ADGRF5: variants seen among roughly 807,000 people sequenced by gnomAD.
The protein encoded by ADGRF5 is adhesion G protein-coupled receptor F5.
A neutral mutation model predicts 132.3 loss-of-function variants in ADGRF5; 75 were observed. The ratio of observed to expected loss-of-function variants is 0.57; its 90% CI spans 0.47 to 0.69. ADGRF5 has a LOEUF of 0.69. ADGRF5 is among the 30% of genes least tolerant of loss of function. ADGRF5 has a pLI of 0.00. For missense variants in ADGRF5, 1,516 were observed against 1,630.6 expected, an observed-to-expected ratio of 0.93 and a Z score of 1.21; for synonymous variants, 629 against 597.6, an observed-to-expected ratio of 1.05 and a Z score of -0.77.
At chr6:46,946,538 C>T (rs1023427729) in intron 1 of ADGRF5, among the ~76,000 whole-genome samples, 6 of 152,080 alleles carry the variant, frequency 3.9e-5, no homozygotes, top group Non-Finnish European at 5.9e-5. Flanking sequence ...AGCTTCTGCT[C>T]CTATTGTTTT....
chr6:46,884,239 A>G lies in ADGRF5; in HGVS notation c.361T>C (p.Ser121Pro). Residue 121 changes from serine (S) to proline (P), a missense_variant, in exon 5 of 21, where the codon TCC (serine) becomes CCC (proline). By Grantham distance (74) the Ser-to-Pro change is moderately conservative. This residue lies in a region of ADGRF5 where 945 missense variants were observed against 929.4 expected (regional missense o/e 1.02). Coordinates refer to ENST00000283296, the MANE Select transcript of ADGRF5 (RefSeq NM_001098518.2). ...GGCCACCCATAACCTGTCTCGCAGG[A>G]GCACCAGATTTCATTTCCAGCAGGT... Reference protein sequence around the residue: ...CRPAGNEIWCSCETGYGWPRE... With the variant: ...CRPAGNEIWCPCETGYGWPRE... 2 of 1,613,984 alleles carry G rather than the reference A, an allele frequency of 1.2e-6. No homozygotes were observed. Among genetic ancestry groups the G allele is most frequent in the Non-Finnish European group, 1.7e-6 (2 of 1,179,828 alleles).
At chr6:46,930,791 G>A (rs571820411) in intron 1 of ADGRF5, among the ~76,000 whole-genome samples, 2 of 152,248 alleles carry the variant, frequency 1.3e-5, no homozygotes, top group Admixed American at 6.5e-5. Context: ...GGCAGCTCAC[G>A]CCTGTAATCC....
At chr6:46,905,556 A>G (rs1438356620) in intron 2 of ADGRF5, 1 of 152,210 alleles carries the variant, frequency 6.6e-6, no homozygotes, top group African/African-American at 2.4e-5. Context: ...CATTGTTTAC[A>G]AGAGAATCAT....
chr6:46,897,213 G>C (rs957037019), intron 3 of ADGRF5, among the ~76,000 whole-genome samples: 2 of 151,034 alleles, frequency 1.3e-5, no homozygotes, highest in Non-Finnish European at 2.9e-5. Context: ...TTATGTAACT[G>C]ACCAGTCACA....
At chr6:46,876,916 T>A (rs1016040261) in intron 10 of ADGRF5, among the ~76,000 whole-genome samples, 5 of 152,210 alleles carry the variant, frequency 3.3e-5, no homozygotes, top group Admixed American at 1.3e-4. Context: ...GATAATTTTT[T>A]AAAAATAATT....
intron 1 of ADGRF5, among the ~76,000 whole-genome samples, chr6:46,953,649 G>A (rs1200296371): frequency 9.8e-5 from 9 of 91,484 alleles, no homozygotes; most frequent in South Asian, 7.3e-4. Flanking sequence ...ATAGATATAT[G>A]TGTATATATA....
intron 1 of ADGRF5, among the ~76,000 whole-genome samples, chr6:46,918,494 CT>C (rs894403045): frequency 6.6e-6 from 1 of 152,188 alleles, no homozygotes; most frequent in Non-Finnish European, 1.5e-5. Flanking sequence ...ATCAGTATTT[CT>C]TTTTTTCCCC....
At chr6:46,933,379 T>C (rs1355394444) in intron 1 of ADGRF5, among the ~76,000 whole-genome samples, 1 of 152,218 alleles carries the variant, frequency 6.6e-6, no homozygotes, top group Non-Finnish European at 1.5e-5. Context: ...AAGCACTAGC[T>C]GTTCACTTCA....
upstream of ADGRF5, among the ~76,000 whole-genome samples, chr6:46,923,851 G>T (rs1423096870): frequency 6.6e-6 from 1 of 152,192 alleles, no homozygotes; most frequent in African/African-American, 2.4e-5. Flanking sequence ...GAGAGACCCT[G>T]CCCTGTCGTA....
intron 1 of ADGRF5, among the ~76,000 whole-genome samples, chr6:46,943,163 CA>C (rs1324191835): frequency 2.0e-5 from 3 of 148,372 alleles, no homozygotes; most frequent in African/African-American, 7.5e-5. Context: ...AAAAAAAAAA[CA>C]AGCATAATTG....
chr6:46,867,169 T>G (rs1770548563), intron 12 of ADGRF5, 32 bp from the exon 13 acceptor site: 1 of 1,223,302 alleles, frequency 8.2e-7, no homozygotes, highest in Non-Finnish European at 1.2e-6. Flanking sequence ...TGAGATGGAA[T>G]GGAAATAATC....
At chr6:46,857,291 T>C (rs1769166882) in intron 17 of ADGRF5, among the ~76,000 whole-genome samples, 5 of 152,220 alleles carry the variant, frequency 3.3e-5, no homozygotes, top group Admixed American at 2.6e-4. Flanking sequence ...ACATATGAAC[T>C]ACATAGCTTG....
chr6:46,881,930 A>T, intron 7 of ADGRF5, 119 bp downstream of exon 7: 1 of 818,068 alleles, frequency 1.2e-6, no homozygotes, highest in Non-Finnish European at 2.2e-6. Flanking sequence ...TTTCACCTCT[A>T]CCAAACTGCT....
At chr6:46,928,216 G>T (rs1308113093) in intron 1 of ADGRF5, among the ~76,000 whole-genome samples, 1 of 152,104 alleles carries the variant, frequency 6.6e-6, no homozygotes, top group Non-Finnish European at 1.5e-5. Flanking sequence ...CCACCTCAGG[G>T]TGCCTGGGAA....
intron 14 of ADGRF5, 176 bp from the exon 15 acceptor site, chr6:46,863,272 T>A (rs1581743978): frequency 1.4e-6 from 1 of 692,422 alleles, no homozygotes; most frequent in South Asian, 1.5e-5. Flanking sequence ...AAAGCCCCTC[T>A]CTGCTTTCCA....
At chr6:46,874,750 C>T (rs930622877) in intron 10 of ADGRF5, among the ~76,000 whole-genome samples, 1 of 152,166 alleles carries the variant, frequency 6.6e-6, no homozygotes, top group African/African-American at 2.4e-5. Context: ...ACTGTGTGGG[C>T]TCCAATCCCT....
chr6:46,877,306 T>TCTCTCTCCTTCC (rs369575219), intron 10 of ADGRF5, among the ~76,000 whole-genome samples: 1 of 77,140 alleles, frequency 1.3e-5, no homozygotes, highest in Non-Finnish European at 2.5e-5. Context: ...TCTCTCTCTC[T>TCTCTCTCCTTCC]TTCCTTCCTT....
At chr6:46,893,086 T>TTTTTG (rs1773823893) in intron 3 of ADGRF5, among the ~76,000 whole-genome samples, 1 of 115,532 alleles carries the variant, frequency 8.7e-6, no homozygotes. Flanking sequence ...TTTTTTTTTG[T>TTTTTG]AGAATGGTTA....
rs67658147 is a variant in ADGRF5, at chr6:46,896,661, T to TGG, written c.157+3367_157+3368insCC. Among the ~76,000 whole-genome samples, 3 of 52,398 alleles carry TGG rather than the reference T, an allele frequency of 5.7e-5. No homozygotes were observed. In the African/African-American group the frequency reaches 6.3e-4, roughly 11 times the overall value. 34.4% of individuals were successfully genotyped at this position (52,398 alleles called of 152,430 possible). A position where few individuals can be genotyped will look rare whatever the true frequency, so the allele number is the denominator to read the frequency against. On this transcript the variant is annotated intron_variant, in intron 3 of 20. Transcript: ENST00000283296. ...TATAAAGTAATATGTGTGAGATATA[T>TGG]GTGTGTGTGTGTGTAAATGTGACAT...
Sources: gnomAD v4.1 joint callset for allele counts (sites outside exome capture counted in the v4.1 genomes callset) on GRCh38, gnomAD v4.1.1 for gene constraint, gnomAD v4.1.1 regional missense constraint, MANE v1.5 for transcripts, NCBI Gene and HGNC (gene_info 2026-07-23, HGNC 2026-07-21) for gene names.